The following NLGN1 variants were observed in gnomAD, a reference collection of about 807,000 sequenced individuals.
The protein encoded by NLGN1 is neuroligin 1, also known as neuroligin-1.
In NLGN1, 12 loss-of-function variants were observed where a neutral mutation model predicts 65.5. That is an observed-to-expected ratio of 0.18 (90% CI 0.12 to 0.30). The LOEUF (loss-of-function observed/expected upper bound fraction) is 0.30, where lower values mean the gene tolerates loss of function less well. Among genes scored for constraint, NLGN1 ranks in the 10% least tolerant of loss-of-function variants. NLGN1 has a pLI of 1.00. For missense variants in NLGN1, 750 were observed against 1,007.1 expected (o/e 0.74, Z 3.46); for synonymous variants, 350 against 359.5 (o/e 0.97, Z 0.30).
At position 174,019,946 on chromosome 3, in the gene NLGN1, A is replaced by T. The variant is rs77551591; in HGVS notation, c.646+212114A>T. On this transcript the variant is annotated intron_variant, in intron 4 of 6. Transcript: ENST00000457714. ...CACAAGATTGTATGATTAATTTAAC[A>T]GTATTCAATGACTTGCTCCTAAAAA... Among the ~76,000 whole-genome samples the T allele has an allele frequency of 4.1e-3, 627 of 152,268 alleles. 7 individuals carry two copies. The highest frequency in any genetic ancestry group is 0.014 in the African/African-American group (590 of 41,570).
At chr3:173,546,667 A>T (rs1237663163) in intron 2 of NLGN1, among the ~76,000 whole-genome samples, 2 of 152,156 alleles carry the variant, frequency 1.3e-5, no homozygotes, top group African/African-American at 4.8e-5. Context: ...ATGTATAGGT[A>T]TGATAAGCCT....
intron 4 of NLGN1, among the ~76,000 whole-genome samples, chr3:173,885,063 T>C (rs1734083523): frequency 6.6e-6 from 1 of 152,180 alleles, no homozygotes; most frequent in Non-Finnish European, 1.5e-5. Flanking sequence ...AAGTTGGTGA[T>C]TATTTTTCAA....
chr3:173,476,427 A>G (rs1027537727), intron 2 of NLGN1, among the ~76,000 whole-genome samples: 1 of 152,226 alleles, frequency 6.6e-6, no homozygotes, highest in Non-Finnish European at 1.5e-5. Flanking sequence ...TTTATCATCT[A>G]TTTTAAAACT....
chr3:173,553,436 A>G (rs149483619), intron 2 of NLGN1, among the ~76,000 whole-genome samples: 111 of 152,332 alleles, frequency 7.3e-4, no homozygotes, highest in African/African-American at 2.6e-3. Flanking sequence ...TTTTGGTGCC[A>G]GATAATTGAA....
At chr3:174,276,700 A>ATAGTT (rs1190583806) in intron 5 of NLGN1, among the ~76,000 whole-genome samples, 1 of 151,932 alleles carries the variant, frequency 6.6e-6, no homozygotes, top group Non-Finnish European at 1.5e-5. Context: ...ATTTATTAAC[A>ATAGTT]TAGTTTACAT....
chr3:173,703,630 T>G (rs1055915262), intron 3 of NLGN1, among the ~76,000 whole-genome samples: 1 of 152,236 alleles, frequency 6.6e-6, no homozygotes, highest in African/African-American at 2.4e-5. Context: ...ATGTCACTCC[T>G]GAATTCATAC....
intron 2 of NLGN1, among the ~76,000 whole-genome samples, chr3:173,436,680 AG>A (rs1718200449): frequency 6.6e-6 from 1 of 152,198 alleles, no homozygotes; most frequent in African/African-American, 2.4e-5. Flanking sequence ...ACATCCACCC[AG>A]GCCCCCTTGA....
chr3:174,036,587 T>TG (rs939025654), intron 4 of NLGN1, among the ~76,000 whole-genome samples: 15 of 149,950 alleles, frequency 1.0e-4, no homozygotes, highest in South Asian at 4.2e-4. Flanking sequence ...TTTTGTTGTT[T>TG]TTTTTTTTTT....
intron 3 of NLGN1, among the ~76,000 whole-genome samples, chr3:173,625,560 C>T (rs753490962): frequency 2.0e-5 from 3 of 152,044 alleles, no homozygotes; most frequent in Non-Finnish European, 4.4e-5. Context: ...TTTGATAAGA[C>T]AAGAGGCTTT....
intron 4 of NLGN1, among the ~76,000 whole-genome samples, chr3:174,056,296 G>A (rs1736060726): frequency 6.6e-6 from 1 of 151,666 alleles, no homozygotes; most frequent in South Asian, 2.1e-4. Flanking sequence ...TTACTTTATT[G>A]TTCCTCTTCT....
chr3:173,727,372 T>A (rs766730208), intron 3 of NLGN1, among the ~76,000 whole-genome samples: 9 of 152,160 alleles, frequency 5.9e-5, no homozygotes, highest in Non-Finnish European at 1.0e-4. Context: ...TATTAAAAAG[T>A]AGAAAAATAT....
chr3:173,819,527 G>A (rs372264204), intron 4 of NLGN1, among the ~76,000 whole-genome samples: 72 of 152,224 alleles, frequency 4.7e-4, no homozygotes, highest in Non-Finnish European at 3.1e-4. Context: ...TGCCTAGGAC[G>A]ATCCTTTCCA....
chr3:173,537,260 T>C (rs1444001143), intron 2 of NLGN1, among the ~76,000 whole-genome samples: 1 of 152,208 alleles, frequency 6.6e-6, no homozygotes, highest in Non-Finnish European at 1.5e-5. Flanking sequence ...TAAGTCACAC[T>C]TAATCTCCAA....
chr3:173,735,426 T>C (rs898965360), intron 3 of NLGN1, among the ~76,000 whole-genome samples: 3 of 152,140 alleles, frequency 2.0e-5, no homozygotes, highest in African/African-American at 7.2e-5. Context: ...ATGAAGCAAT[T>C]CTTTCTCACA....
chr3:173,518,664 G>A (rs185785078), intron 2 of NLGN1, among the ~76,000 whole-genome samples: 52 of 151,660 alleles, frequency 3.4e-4, no homozygotes, highest in African/African-American at 1.2e-3. Context: ...AGAATCTTTT[G>A]TTTCCTGCTT....
intron 4 of NLGN1, among the ~76,000 whole-genome samples, chr3:174,161,819 A>C (rs9839621): frequency 0.13 from 19,535 of 151,820 alleles, 2,395 homozygotes; most frequent in African/African-American, 0.33. Flanking sequence ...TAGAAGACAA[A>C]TGTAACTTTC....
intron 4 of NLGN1, among the ~76,000 whole-genome samples, chr3:173,938,584 T>C (rs984303747): frequency 5.3e-5 from 8 of 152,150 alleles, no homozygotes; most frequent in African/African-American, 1.9e-4. Flanking sequence ...ATACAAAATG[T>C]CAAGGAGGTG....
At chr3:173,780,091 T>C (rs1247084343) in intron 3 of NLGN1, among the ~76,000 whole-genome samples, 1 of 152,192 alleles carries the variant, frequency 6.6e-6, no homozygotes, top group Admixed American at 6.5e-5. Flanking sequence ...TGGCTGCCCA[T>C]GGAATATATA....
At chr3:173,565,544 A>T (rs2149312235) in intron 2 of NLGN1, among the ~76,000 whole-genome samples, 1 of 152,230 alleles carries the variant, frequency 6.6e-6, no homozygotes, top group African/African-American at 2.4e-5. Context: ...GGCATAGGGG[A>T]GGGTAGGAAT....
Sources: gnomAD v4.1 joint callset for allele counts (sites outside exome capture counted in the v4.1 genomes callset) on GRCh38, gnomAD v4.1.1 for gene constraint, MANE v1.5 for transcripts, NCBI Gene and HGNC (gene_info 2026-07-23, HGNC 2026-07-21) for gene names.